Variants in ZNF438 observed in about 807,000 individuals in gnomAD.
ZNF438 encodes zinc finger protein 438.
ZNF438 carries 25 observed loss-of-function variants against 38.0 expected under a neutral mutation model. That is an observed-to-expected ratio of 0.66 (90% CI 0.48 to 0.92). ZNF438 has a LOEUF of 0.92. Ranked by LOEUF, ZNF438 falls within the 40% of genes least tolerant of loss-of-function variation. The pLI is 0.00. For synonymous variants in ZNF438, 372 were observed against 364.1 expected, an observed-to-expected ratio of 1.02 and a Z score of -0.25; for missense variants, 1,007 against 999.6, an observed-to-expected ratio of 1.01 and a Z score of -0.10.
At chr10:30,849,631 T>C (rs1392820417) in exon 5 of ZNF438, 1 of 1,614,210 alleles carries the variant, frequency 6.2e-7, no homozygotes, top group Admixed American at 1.7e-5. Context: ...GTTCTTTAAA[T>C]TTTTCACTGG....
chr10:30,849,046 T>C, exon 5 of ZNF438: 1 of 1,614,190 alleles, frequency 6.2e-7, no homozygotes, highest in Admixed American at 1.7e-5. Flanking sequence ...GTAGTGTAGT[T>C]GGAGAAGCCA....
At chr10:30,950,375 A>C (rs2048022149) in intron 1 of ZNF438, among the ~76,000 whole-genome samples, 1 of 148,718 alleles carries the variant, frequency 6.7e-6, no homozygotes, top group African/African-American at 2.5e-5. Flanking sequence ...AAAAGCTAGC[A>C]GAAGGCAAGA....
intron 1 of ZNF438, among the ~76,000 whole-genome samples, chr10:31,005,307 G>T (rs546563572): frequency 6.6e-6 from 1 of 152,162 alleles, no homozygotes; most frequent in Non-Finnish European, 1.5e-5. Context: ...ATGCACGTAC[G>T]TAAATGGAAT....
chr10:30,984,118 T>C (rs2052513319), intron 1 of ZNF438, among the ~76,000 whole-genome samples: 1 of 152,186 alleles, frequency 6.6e-6, no homozygotes, highest in South Asian at 2.1e-4. Context: ...CTATGTCTTA[T>C]AAACAATATC....
At chr10:30,904,409 A>T (rs2042367642) in intron 3 of ZNF438, among the ~76,000 whole-genome samples, 1 of 152,046 alleles carries the variant, frequency 6.6e-6, no homozygotes, top group South Asian at 2.1e-4. Context: ...AAGCCTTCAG[A>T]TATGTCCCCT....
intron 1 of ZNF438, among the ~76,000 whole-genome samples, chr10:30,970,143 C>CAT (rs1554889280): frequency 1.4e-5 from 2 of 143,968 alleles, no homozygotes; most frequent in African/African-American, 5.2e-5. Context: ...CACACACACA[C>CAT]ATATACACAC....
At chr10:30,857,650 C>T in intron 4 of ZNF438, 1 of 1,460,198 alleles carries the variant, frequency 6.8e-7, no homozygotes, top group Non-Finnish European at 9.3e-7. Flanking sequence ...AAAGCAAAAG[C>T]ATATTTTTAT....
chr10:30,955,066 C>A (rs2048715282), intron 1 of ZNF438, among the ~76,000 whole-genome samples: 1 of 152,198 alleles, frequency 6.6e-6, no homozygotes. Flanking sequence ...GGAATGTTTA[C>A]TGCAGCTATT....
At chr10:30,920,254 G>C (rs935340203) in intron 2 of ZNF438, 1 of 152,180 alleles carries the variant, frequency 6.6e-6, no homozygotes, top group Non-Finnish European at 1.5e-5. Flanking sequence ...CAACTCTTTG[G>C]TCAGTTGTTT....
At chr10:30,919,446 C>A (rs879321921) in intron 2 of ZNF438, 1 of 152,200 alleles carries the variant, frequency 6.6e-6, no homozygotes, top group Non-Finnish European at 1.5e-5. Context: ...TATACCACTA[C>A]AATCCTCTTC....
intron 1 of ZNF438, among the ~76,000 whole-genome samples, chr10:30,968,714 T>C (rs1313081797): frequency 6.6e-6 from 1 of 152,108 alleles, no homozygotes; most frequent in Non-Finnish European, 1.5e-5. Context: ...AGTGCTGGGA[T>C]TACAGGCGTG....
intron 2 of ZNF438, among the ~76,000 whole-genome samples, chr10:30,927,605 A>C (rs1379335478): frequency 6.6e-6 from 1 of 152,222 alleles, no homozygotes; most frequent in Non-Finnish European, 1.5e-5. Context: ...AGCAGATTAA[A>C]CACAAACTTA....
intron 3 of ZNF438, among the ~76,000 whole-genome samples, chr10:30,888,074 T>A (rs2040190875): frequency 6.6e-6 from 1 of 152,174 alleles, no homozygotes; most frequent in Non-Finnish European, 1.5e-5. Context: ...TTATCATGAA[T>A]TAATATAAAT....
chr10:31,022,707 G>T (rs895255303), intron 1 of ZNF438, among the ~76,000 whole-genome samples: 1 of 152,224 alleles, frequency 6.6e-6, no homozygotes, highest in Admixed American at 6.5e-5. Context: ...ATGCCCAACC[G>T]CACGACACAC....
At chr10:30,976,687 T>C (rs1248707437) in intron 1 of ZNF438, among the ~76,000 whole-genome samples, 1 of 151,812 alleles carries the variant, frequency 6.6e-6, no homozygotes, top group Non-Finnish European at 1.5e-5. Flanking sequence ...CAATGAGCTA[T>C]GATCGTGCCT....
intron 1 of ZNF438, among the ~76,000 whole-genome samples, chr10:31,015,869 G>A (rs1301052282): frequency 6.6e-6 from 1 of 152,158 alleles, no homozygotes; most frequent in Non-Finnish European, 1.5e-5. Context: ...TCTTCACACA[G>A]GTGAAAAGAG....
intron 1 of ZNF438, among the ~76,000 whole-genome samples, chr10:31,011,923 CTG>C (rs2055740098): frequency 6.6e-6 from 1 of 152,118 alleles, no homozygotes; most frequent in African/African-American, 2.4e-5. Flanking sequence ...TTTATTACCA[CTG>C]TCCTCCTCCT....
At chr10:30,923,123 CATT>C in intron 2 of ZNF438, among the ~76,000 whole-genome samples, 1 of 152,278 alleles carries the variant, frequency 6.6e-6, no homozygotes, top group East Asian at 1.9e-4. Flanking sequence ...TCAGTAGAAA[CATT>C]ATTAAATAAT....
intron 1 of ZNF438, among the ~76,000 whole-genome samples, chr10:30,994,398 A>T (rs578212763): frequency 6.6e-6 from 1 of 152,290 alleles, no homozygotes; most frequent in East Asian, 1.9e-4. Flanking sequence ...TCATGAATGG[A>T]TTAGTAGATT....
Sources: allele counts gnomAD v4.1 joint callset (sites outside exome capture counted in the v4.1 genomes callset), GRCh38; gene constraint gnomAD v4.1.1; transcripts MANE v1.5; gene names NCBI Gene and HGNC (gene_info 2026-07-23, HGNC 2026-07-21).